Variants in CCDC148 observed in about 807,000 individuals in gnomAD.
CCDC148 encodes the protein coiled-coil domain containing 148.
CCDC148 carries 89 observed loss-of-function variants against 85.7 expected under a neutral mutation model. The ratio of observed to expected loss-of-function variants is 1.04; its 90% CI spans 0.87 to 1.24. The LOEUF is 1.24. CCDC148 is among the 50% of genes most tolerant of loss of function. The pLI is 0.00. For missense variants in CCDC148, 692 were observed against 671.7 expected (o/e 1.03, Z -0.33); for synonymous variants, 230 against 213.9 (o/e 1.08, Z -0.66).
intron 9 of CCDC148, among the ~76,000 whole-genome samples, chr2:158,287,669 C>G (rs1690691962): frequency 6.6e-6 from 1 of 152,218 alleles, no homozygotes; most frequent in South Asian, 2.1e-4. Flanking sequence ...GCCCCTATGG[C>G]TTTGCAAGGT....
At chr2:158,366,050 G>T in intron 1 of CCDC148, 1 of 1,541,330 alleles carries the variant, frequency 6.5e-7, no homozygotes, top group Non-Finnish European at 8.8e-7. Flanking sequence ...ATGAATGGTT[G>T]GTCTCTTTGA....
At chr2:158,323,033 C>T (rs1335938317) in intron 7 of CCDC148, among the ~76,000 whole-genome samples, 1 of 152,148 alleles carries the variant, frequency 6.6e-6, no homozygotes, top group East Asian at 1.9e-4. Flanking sequence ...GCCACAATCT[C>T]ATCTGAGTCT....
intron 9 of CCDC148, among the ~76,000 whole-genome samples, chr2:158,264,581 T>A (rs1355792113): frequency 1.3e-5 from 2 of 152,054 alleles, no homozygotes; most frequent in Admixed American, 1.3e-4. Context: ...AAGCAAGATC[T>A]TCAAGACAGA....
At position 158,378,453 on chromosome 2, in the gene CCDC148, C is replaced by T. The variant is rs183167897; in HGVS notation, c.26-19883G>A. Among the ~76,000 whole-genome samples, 403 of 152,264 alleles carry T rather than the reference C, an allele frequency of 2.6e-3. 3 individuals are homozygous for T. The highest frequency in any genetic ancestry group is 9.0e-3 in the African/African-American group (375 of 41,576). On this transcript the variant is annotated intron_variant, in intron 1 of 13. Transcript: ENST00000283233. ...GCAGCAAGTGCTGATTCAGAAGCTG[C>T]AGCAAGTTATCCAGAAGCTCTTGCT...
At chr2:158,295,539 CT>C (rs1691142605) in intron 9 of CCDC148, among the ~76,000 whole-genome samples, 1 of 146,562 alleles carries the variant, frequency 6.8e-6, no homozygotes, top group Admixed American at 6.9e-5. Context: ...ATCAAGTGGG[CT>C]TCATCCCTGG....
intron 9 of CCDC148, among the ~76,000 whole-genome samples, chr2:158,267,234 G>A (rs183439605): frequency 3.0e-4 from 46 of 151,984 alleles, no homozygotes; most frequent in Admixed American, 1.6e-3. Flanking sequence ...TGCAGCTCCC[G>A]TGGCTTTGGA....
chr2:158,395,833 C>T (rs1056851839), intron 1 of CCDC148, among the ~76,000 whole-genome samples: 3 of 152,106 alleles, frequency 2.0e-5, no homozygotes, highest in Admixed American at 2.0e-4. Flanking sequence ...CCTCACATGT[C>T]TAACAGGAAT....
chr2:158,279,459 A>T (rs147641434), intron 9 of CCDC148, among the ~76,000 whole-genome samples: 1,898 of 152,370 alleles, frequency 0.012, 28 homozygotes, highest in African/African-American at 0.039. Flanking sequence ...AAGCCAAGGC[A>T]TGAGAACTAC....
At position 158,440,893 on chromosome 2, in the gene CCDC148, A is replaced by T. The variant is rs1687903843; in HGVS notation, c.25+15522T>A. Reference sequence around the variant, plus strand: ...AGCTGTTCAATAGCCTATTAAAAAGAAAATGAGCCAGGCATAGTGGTGCAC... The same window carrying T: ...AGCTGTTCAATAGCCTATTAAAAAGTAAATGAGCCAGGCATAGTGGTGCAC... On this transcript the variant is annotated intron_variant, in intron 1 of 13. Transcript: ENST00000283233. Among the ~76,000 whole-genome samples, 5 of 152,286 alleles carry T rather than the reference A, an allele frequency of 3.3e-5. No individual in the cohort carries two copies. The South Asian group carries it at 1.0e-3, about 32-fold the overall frequency.
chr2:158,391,977 C>G (rs77925214), intron 1 of CCDC148, among the ~76,000 whole-genome samples: 1 of 151,986 alleles, frequency 6.6e-6, no homozygotes, highest in Non-Finnish European at 1.5e-5. Flanking sequence ...AGATTCTCCC[C>G]AACTGGCAGT....
intron 10 of CCDC148, among the ~76,000 whole-genome samples, chr2:158,238,220 G>A (rs922645261): frequency 2.6e-5 from 4 of 152,074 alleles, no homozygotes; most frequent in African/African-American, 9.7e-5. Context: ...GCTAGAAAAA[G>A]GGGGATGGTG....
intron 1 of CCDC148, among the ~76,000 whole-genome samples, chr2:158,387,438 T>C (rs1685137075): frequency 6.6e-6 from 1 of 152,104 alleles, no homozygotes; most frequent in Non-Finnish European, 1.5e-5. Context: ...CCGTTAACTT[T>C]TTATCTTTTA....
chr2:158,338,314 A>T (rs893304870), intron 7 of CCDC148, among the ~76,000 whole-genome samples: 1 of 152,170 alleles, frequency 6.6e-6, no homozygotes, highest in Non-Finnish European at 1.5e-5. Context: ...TTTAGAAAAC[A>T]TACTCTGTGT....
intron 9 of CCDC148, among the ~76,000 whole-genome samples, chr2:158,278,802 C>A (rs948358103): frequency 6.6e-6 from 1 of 152,270 alleles, no homozygotes. Context: ...GGATGGAGAT[C>A]TGAGAACGGG....
chr2:158,247,037 A>G (rs1382694712), intron 10 of CCDC148, among the ~76,000 whole-genome samples: 1 of 152,196 alleles, frequency 6.6e-6, no homozygotes, highest in Non-Finnish European at 1.5e-5. Context: ...AGCGTTTTAA[A>G]TTTCCATGGC....
At chr2:158,336,689 G>A (rs1400378084) in intron 7 of CCDC148, among the ~76,000 whole-genome samples, 1 of 152,096 alleles carries the variant, frequency 6.6e-6, no homozygotes, top group Non-Finnish European at 1.5e-5. Context: ...TTCCTCCAAA[G>A]TAGATTCCTA....
chr2:158,391,073 A>G (rs973556498), intron 1 of CCDC148, among the ~76,000 whole-genome samples: 6 of 152,164 alleles, frequency 3.9e-5, no homozygotes, highest in African/African-American at 1.4e-4. Context: ...TATTTGTTGT[A>G]TTCTTATTAC....
In CCDC148 at chr2:158,176,680, G is replaced by T; in HGVS notation, c.1489-19C>A. On this transcript the variant is annotated intron_variant, in intron 12 of 13. Transcript: ENST00000283233. Reference sequence around the variant, plus strand: ...CAGCAACCTAAAAATGAGAAAGCATGGCTACTTGGAACAAGGTACAAACTA... The same window carrying T: ...CAGCAACCTAAAAATGAGAAAGCATTGCTACTTGGAACAAGGTACAAACTA... 1.2e-6 allele frequency: 2 copies of T among 1,610,620 alleles called. No homozygotes were observed. Among genetic ancestry groups the T allele is most frequent in the South Asian group, 2.2e-5 (2 of 90,864 alleles).
intron 10 of CCDC148, among the ~76,000 whole-genome samples, chr2:158,230,106 C>T (rs1687779292): frequency 1.3e-5 from 2 of 152,052 alleles, no homozygotes; most frequent in African/African-American, 2.4e-5. Flanking sequence ...AGTATTAAAC[C>T]ATTATTGACT....
Sources: allele counts gnomAD v4.1 joint callset (sites outside exome capture counted in the v4.1 genomes callset), GRCh38; gene constraint gnomAD v4.1.1; transcripts MANE v1.5; gene names NCBI Gene and HGNC (gene_info 2026-07-23, HGNC 2026-07-21).